The following CDK14 variants were observed in gnomAD, a reference collection of about 807,000 sequenced individuals.
CDK14 encodes the protein cyclin dependent kinase 14.
A neutral mutation model predicts 60.7 loss-of-function variants in CDK14; 34 were observed. The ratio of observed to expected loss-of-function variants is 0.56; its 90% CI spans 0.43 to 0.75. The LOEUF (loss-of-function observed/expected upper bound fraction) is 0.75. CDK14 is among the 30% of genes least tolerant of loss of function. The pLI is 0.00. For missense variants in CDK14, 482 were observed against 564.1 expected, an observed-to-expected ratio of 0.85 and a Z score of 1.47; for synonymous variants, 197 against 203.7, an observed-to-expected ratio of 0.97 and a Z score of 0.28.
chr7:90,750,153 AACAC>A (rs3138824), intron 4 of CDK14, among the ~76,000 whole-genome samples: 15,615 of 131,176 alleles, frequency 0.12, 1,275 homozygotes, highest in East Asian at 0.36. Context: ...GGGGAAAGAA[AACAC>A]ACACACACAC....
At chr7:90,818,617 C>A (rs1048765540) in intron 5 of CDK14, among the ~76,000 whole-genome samples, 3 of 152,096 alleles carry the variant, frequency 2.0e-5, no homozygotes, top group African/African-American at 7.2e-5. Context: ...TTTACTGAAA[C>A]TATTAAAAAT....
chr7:90,656,824 A>G (rs1800761304), intron 2 of CDK14, among the ~76,000 whole-genome samples: 1 of 152,166 alleles, frequency 6.6e-6, no homozygotes, highest in Non-Finnish European at 1.5e-5. Flanking sequence ...TTTTTTTGCA[A>G]TTATTTATAA....
chr7:91,015,005 A>T (rs539372815), intron 10 of CDK14, among the ~76,000 whole-genome samples: 7 of 152,286 alleles, frequency 4.6e-5, no homozygotes, highest in African/African-American at 1.7e-4. Flanking sequence ...CCTTATTAGC[A>T]TACTTAGTAT....
At chr7:91,088,622 CAAAT>C (rs1024486018) in intron 12 of CDK14, among the ~76,000 whole-genome samples, 4 of 150,108 alleles carry the variant, frequency 2.7e-5, no homozygotes, top group South Asian at 2.1e-4. Context: ...ATAAATGAGA[CAAAT>C]GAATAGAAAT....
intron 2 of CDK14, among the ~76,000 whole-genome samples, chr7:90,641,180 G>T (rs923140649): frequency 1.3e-5 from 2 of 151,878 alleles, no homozygotes; most frequent in Non-Finnish European, 2.9e-5. Context: ...CATACCCTGG[G>T]ACTGCAAAAT....
intron 9 of CDK14, among the ~76,000 whole-genome samples, chr7:90,982,782 C>A (rs893226587): frequency 6.6e-6 from 1 of 151,794 alleles, no homozygotes; most frequent in Non-Finnish European, 1.5e-5. Flanking sequence ...TAGATGGGGG[C>A]AGGGGGAGTG....
At chr7:90,870,672 A>G (rs542071886) in intron 6 of CDK14, among the ~76,000 whole-genome samples, 2 of 152,268 alleles carry the variant, frequency 1.3e-5, no homozygotes, top group South Asian at 2.1e-4. Context: ...TAGAATGTAA[A>G]AAGAATTGGC....
intron 3 of CDK14, among the ~76,000 whole-genome samples, chr7:90,739,541 T>A (rs1803262984): frequency 6.6e-6 from 1 of 152,200 alleles, no homozygotes; most frequent in Admixed American, 6.5e-5. Flanking sequence ...AGTGAATATA[T>A]CGTTTTTAGA....
chr7:91,202,926 G>T (rs992066663), intron 14 of CDK14, among the ~76,000 whole-genome samples: 1 of 152,082 alleles, frequency 6.6e-6, no homozygotes, highest in African/African-American at 2.4e-5. Flanking sequence ...CCTAGGTTAG[G>T]TACATGTGAT....
At chr7:90,863,013 CA>C (rs1191702647) in intron 5 of CDK14, among the ~76,000 whole-genome samples, 161 bp from the exon 6 acceptor site, 14 of 151,884 alleles carry the variant, frequency 9.2e-5, no homozygotes, top group Non-Finnish European at 2.9e-5. Flanking sequence ...GACCCCATCT[CA>C]AAAAAAGTCT....
intron 8 of CDK14, among the ~76,000 whole-genome samples, chr7:90,945,082 G>C (rs1192916094): frequency 6.6e-6 from 1 of 152,200 alleles, no homozygotes; most frequent in African/African-American, 2.4e-5. Flanking sequence ...CAGTTGGCTA[G>C]AACATAGAAA....
intron 14 of CDK14, among the ~76,000 whole-genome samples, chr7:91,151,941 T>G (rs1353602280): frequency 6.6e-6 from 1 of 152,238 alleles, no homozygotes. Context: ...GAACAGTCCT[T>G]GCAGTATGCA....
At chr7:91,052,763 G>A (rs1279947703) in intron 11 of CDK14, among the ~76,000 whole-genome samples, 1 of 152,198 alleles carries the variant, frequency 6.6e-6, no homozygotes, top group Non-Finnish European at 1.5e-5. Context: ...CATTTCTAAA[G>A]TGGTTATATT....
intron 2 of CDK14, among the ~76,000 whole-genome samples, chr7:90,693,960 TGGA>T (rs2116593513): frequency 6.6e-6 from 1 of 152,286 alleles, no homozygotes; most frequent in African/African-American, 2.4e-5. Context: ...AGTATGTTGT[TGGA>T]ATTAAGTCAT....
chr7:90,707,657 C>T (rs765910219), intron 2 of CDK14, among the ~76,000 whole-genome samples: 9 of 152,196 alleles, frequency 5.9e-5, no homozygotes, highest in Admixed American at 3.3e-4. Flanking sequence ...TGAGCCTTCG[C>T]AGTGGTGACC....
intron 11 of CDK14, among the ~76,000 whole-genome samples, chr7:91,052,128 G>C (rs696270): frequency 0.47 from 70,905 of 151,994 alleles, 17,675 homozygotes; most frequent in East Asian, 0.88. Flanking sequence ...TGAGCTGAGA[G>C]TGCGAGTGGT....
intron 8 of CDK14, among the ~76,000 whole-genome samples, chr7:90,925,664 C>T (rs73708205): frequency 0.028 from 4,292 of 152,186 alleles, 190 homozygotes; most frequent in African/African-American, 0.095. Context: ...GAGTCCAAGT[C>T]TAGCCTGAAC....
At chr7:90,620,711 G>T (rs1274699579) in intron 2 of CDK14, among the ~76,000 whole-genome samples, 1 of 152,164 alleles carries the variant, frequency 6.6e-6, no homozygotes, top group Non-Finnish European at 1.5e-5. Flanking sequence ...GGCACATGCA[G>T]TGTGGTGCTG....
chr7:90,660,220 C>T (rs1489760307), intron 2 of CDK14, among the ~76,000 whole-genome samples: 4 of 151,986 alleles, frequency 2.6e-5, no homozygotes, highest in African/African-American at 9.7e-5. Flanking sequence ...CATCACACCC[C>T]CTGGGGTCAA....
Sources: allele counts gnomAD v4.1 joint callset (sites outside exome capture counted in the v4.1 genomes callset), GRCh38; gene constraint gnomAD v4.1.1; transcripts MANE v1.5; gene names NCBI Gene and HGNC (gene_info 2026-07-23, HGNC 2026-07-21).